SH3GL3: variants seen among roughly 807,000 people sequenced by gnomAD.
The protein encoded by SH3GL3 is endophilin-A3.
A neutral mutation model predicts 47.7 loss-of-function variants in SH3GL3; 33 were observed. That is an observed-to-expected ratio of 0.69 (90% confidence interval 0.52 to 0.92). The LOEUF (loss-of-function observed/expected upper bound fraction) is 0.92, where lower values mean the gene tolerates loss of function less well. SH3GL3 is among the 40% of genes least tolerant of loss of function. The probability of loss-of-function intolerance (pLI) is 0.00; values close to 1 mark genes in which losing one functional copy is unlikely to be tolerated. For missense variants in SH3GL3, 363 were observed against 417.8 expected (o/e 0.87, Z 1.14); for synonymous variants, 155 against 148.8 (o/e 1.04, Z -0.30).
rs79267797 is a variant in SH3GL3, at chr15:83,587,397, C to T, written c.728+311C>T. On this transcript the variant is annotated intron_variant, in intron 7 of 8. Coordinates refer to ENST00000427482, the MANE Select transcript of SH3GL3 (RefSeq NM_003027.5). Reference sequence around the variant, plus strand: ...TTGCTCTCCCACCTGGGACATCAACCCCTACAGAACTACCCTGGCTTCATT... The same window carrying T: ...TTGCTCTCCCACCTGGGACATCAACTCCTACAGAACTACCCTGGCTTCATT... Among the ~76,000 whole-genome samples, 997 of 152,092 alleles carry T rather than the reference C, an allele frequency of 6.6e-3. 16 individuals carry two copies. The highest frequency in any genetic ancestry group is 0.023 in the African/African-American group (941 of 41,476).
intron 1 of SH3GL3, among the ~76,000 whole-genome samples, chr15:83,478,138 C>T (rs1016369942): frequency 1.3e-5 from 2 of 152,144 alleles, no homozygotes; most frequent in African/African-American, 4.8e-5. Context: ...AGGGTCTAGT[C>T]ATTCTGAGAA....
At chr15:83,571,612 C>A (rs2151767988) in intron 4 of SH3GL3, among the ~76,000 whole-genome samples, 1 of 151,902 alleles carries the variant, frequency 6.6e-6, no homozygotes, top group African/African-American at 2.4e-5. Flanking sequence ...GCACATGTTG[C>A]CATCTCTATT....
At chr15:83,555,072 T>G (rs541468981) in intron 1 of SH3GL3, among the ~76,000 whole-genome samples, 2 of 152,326 alleles carry the variant, frequency 1.3e-5, no homozygotes, top group South Asian at 4.1e-4. Context: ...TCTTCATCTC[T>G]GTTTATTTTA....
chr15:83,493,429 G>A (rs1404220166), intron 1 of SH3GL3, among the ~76,000 whole-genome samples: 2 of 152,174 alleles, frequency 1.3e-5, no homozygotes, highest in African/African-American at 4.8e-5. Flanking sequence ...TCCCTCCTCT[G>A]AGGCAAAATT....
At chr15:83,461,201 A>G in intron 1 of SH3GL3, among the ~76,000 whole-genome samples, 1 of 152,200 alleles carries the variant, frequency 6.6e-6, no homozygotes, top group Admixed American at 6.5e-5. Flanking sequence ...TGTCATCCAC[A>G]GTTTTGATTT....
At chr15:83,593,037 G>A (rs1352278103) in intron 8 of SH3GL3, among the ~76,000 whole-genome samples, 4 of 152,192 alleles carry the variant, frequency 2.6e-5, no homozygotes, top group Non-Finnish European at 5.9e-5. Flanking sequence ...ATTCACAGCA[G>A]TATCACATAG....
At chr15:83,509,341 T>C (rs2042649104) in intron 1 of SH3GL3, among the ~76,000 whole-genome samples, 2 of 152,244 alleles carry the variant, frequency 1.3e-5, no homozygotes, top group Non-Finnish European at 2.9e-5. Context: ...AGGCTGGGGA[T>C]AGACAAGGAC....
At chr15:83,536,024 C>T (rs2043885648) in intron 1 of SH3GL3, among the ~76,000 whole-genome samples, 1 of 152,148 alleles carries the variant, frequency 6.6e-6, no homozygotes, top group Non-Finnish European at 1.5e-5. Context: ...GACATCCTTT[C>T]TGAAAAAAAG....
At chr15:83,484,956 A>G (rs1320564816) in intron 1 of SH3GL3, among the ~76,000 whole-genome samples, 2 of 152,216 alleles carry the variant, frequency 1.3e-5, no homozygotes, top group Admixed American at 6.5e-5. Flanking sequence ...AAATATTAAA[A>G]TGTAGATATT....
intron 1 of SH3GL3, among the ~76,000 whole-genome samples, chr15:83,514,836 C>A (rs1040681518): frequency 1.3e-5 from 2 of 151,994 alleles, no homozygotes; most frequent in Admixed American, 1.3e-4. Flanking sequence ...GCTTGTTGGG[C>A]GTGTCAGGCT....
At chr15:83,555,311 C>T (rs985079034) in intron 1 of SH3GL3, among the ~76,000 whole-genome samples, 1 of 152,154 alleles carries the variant, frequency 6.6e-6, no homozygotes, top group Non-Finnish European at 1.5e-5. Context: ...CCTAAACACA[C>T]ATTAAAAAGT....
chr15:83,463,679 C>T (rs956222989), intron 1 of SH3GL3, among the ~76,000 whole-genome samples: 1 of 151,772 alleles, frequency 6.6e-6, no homozygotes, highest in African/African-American at 2.4e-5. Context: ...GGAGGAAAAC[C>T]TCCTTTGATC....
At chr15:83,473,902 T>G (rs2040971252) in intron 1 of SH3GL3, among the ~76,000 whole-genome samples, 1 of 151,570 alleles carries the variant, frequency 6.6e-6, no homozygotes, top group Non-Finnish European at 1.5e-5. Flanking sequence ...TGCTGGCTTC[T>G]TCAGCTCCAA....
intron 1 of SH3GL3, among the ~76,000 whole-genome samples, chr15:83,472,735 C>T (rs531749444): frequency 4.3e-4 from 66 of 152,154 alleles, no homozygotes; most frequent in Non-Finnish European, 7.5e-4. Flanking sequence ...TAGAAATCTT[C>T]CTGGGTCTTG....
chr15:83,493,862 A>G (rs1385865118), intron 1 of SH3GL3, among the ~76,000 whole-genome samples: 2 of 152,074 alleles, frequency 1.3e-5, no homozygotes, highest in African/African-American at 4.8e-5. Context: ...GATATCCAAG[A>G]GGTTGTTGTG....
intron 1 of SH3GL3, among the ~76,000 whole-genome samples, chr15:83,547,954 T>C (rs1236253795): frequency 6.6e-6 from 1 of 151,988 alleles, no homozygotes; most frequent in Non-Finnish European, 1.5e-5. Flanking sequence ...TCTTTTGGAT[T>C]AATCCCTTTA....
intron 1 of SH3GL3, among the ~76,000 whole-genome samples, chr15:83,554,141 C>A (rs2044814988): frequency 6.6e-6 from 1 of 151,686 alleles, no homozygotes; most frequent in South Asian, 2.1e-4. Context: ...CATTCTCCCA[C>A]CTCAGTCTTC....
At chr15:83,574,463 C>T (rs974037936) in intron 5 of SH3GL3, among the ~76,000 whole-genome samples, 2 of 152,258 alleles carry the variant, frequency 1.3e-5, no homozygotes, top group South Asian at 2.1e-4. Context: ...TGACATCCAT[C>T]GTCCTCTCTG....
chr15:83,541,975 T>A (rs1007947416), intron 1 of SH3GL3, among the ~76,000 whole-genome samples: 2 of 152,208 alleles, frequency 1.3e-5, no homozygotes, highest in Non-Finnish European at 2.9e-5. Context: ...TAACTTGATA[T>A]GATCCCATCT....
Sources: gnomAD v4.1 joint callset for allele counts (sites outside exome capture counted in the v4.1 genomes callset) on GRCh38, gnomAD v4.1.1 for gene constraint, MANE v1.5 for transcripts, NCBI Gene and HGNC (gene_info 2026-07-23, HGNC 2026-07-21) for gene names.